The following MEOX1 variants were observed in gnomAD, a reference collection of about 807,000 sequenced individuals.
MEOX1 encodes mesenchyme homeobox 1.
In MEOX1, 17 loss-of-function variants were observed where a neutral mutation model predicts 23.2. The ratio of observed to expected loss-of-function variants is 0.73; its 90% CI spans 0.50 to 1.10. The LOEUF (loss-of-function observed/expected upper bound fraction) is 1.10. Ranked by LOEUF, MEOX1 falls within the 50% of genes least tolerant of loss-of-function variation. The pLI is 0.00. For missense variants in MEOX1, 333 were observed against 332.2 expected, an observed-to-expected ratio of 1.00 and a Z score of -0.02; for synonymous variants, 134 against 135.1, an observed-to-expected ratio of 0.99 and a Z score of 0.06.
At chr17:43,645,850 C>T (rs1439032380) in intron 1 of MEOX1, among the ~76,000 whole-genome samples, 1 of 152,236 alleles carries the variant, frequency 6.6e-6, no homozygotes, top group Non-Finnish European at 1.5e-5. Context: ...TTTCAGTTTC[C>T]CCGTCCTCCG....
chr17:43,649,130 C>T (rs1055890459), intron 1 of MEOX1, among the ~76,000 whole-genome samples: 7 of 152,140 alleles, frequency 4.6e-5, no homozygotes, highest in Admixed American at 1.3e-4. Context: ...CAGTGCCTGG[C>T]ATGTCACTGA....
chr17:43,646,201 C>T (rs541221214), intron 1 of MEOX1, among the ~76,000 whole-genome samples: 1 of 152,250 alleles, frequency 6.6e-6, no homozygotes, highest in East Asian at 1.9e-4. Context: ...AAGGCAGGTC[C>T]AGACCCCTCC....
Position 43,661,667 on chromosome 17 carries a change from G to T in MEOX1, c.-133C>A. On this transcript the variant is annotated 5_prime_UTR_variant, in exon 1 of 3. Coordinates refer to ENST00000318579, the MANE Select transcript of MEOX1 (RefSeq NM_004527.4). The stretch of plus-strand genomic sequence containing the variant: ...ATGTTCAACAGAAAATTTACCCCAG[G>T]AACCAAAAAAAAAAAAAAACCCAAA... The T allele has an allele frequency of 8.6e-6, 4 of 465,766 alleles. No homozygotes were observed. The highest frequency in any genetic ancestry group is 2.1e-5 in the African/African-American group (1 of 47,228). 28.9% of individuals were successfully genotyped at this position (465,766 alleles called of 1,614,324 possible).
chr17:43,656,696 G>A (rs942277516), intron 1 of MEOX1, among the ~76,000 whole-genome samples: 1 of 152,248 alleles, frequency 6.6e-6, no homozygotes, highest in East Asian at 1.9e-4. Context: ...GCGGGCGATC[G>A]GATTCACCTG....
Position 43,641,764 on chromosome 17 carries a change from A to G in MEOX1, c.*146T>C, listed in dbSNP as rs1033265959. 4 of 819,066 alleles carry G rather than the reference A, an allele frequency of 4.9e-6. No individual in the cohort carries two copies. Among genetic ancestry groups the G allele is most frequent in the African/African-American group, 1.7e-5 (1 of 58,316 alleles). 50.7% of individuals were successfully genotyped at this position (819,066 alleles called of 1,614,324 possible). A position where few individuals can be genotyped will look rare whatever the true frequency, so the allele number is the denominator to read the frequency against. On this transcript the variant is annotated 3_prime_UTR_variant, in exon 3 of 3. Coordinates refer to ENST00000318579, the MANE Select transcript of MEOX1 (RefSeq NM_004527.4). The stretch of plus-strand genomic sequence containing the variant: ...CTAGAAAATCCTAAGACTCCCAGGA[A>G]TGCTGGGCAGTTTCATATCCAAGAG...
intron 1 of MEOX1, among the ~76,000 whole-genome samples, chr17:43,653,865 T>C (rs1469548157): frequency 1.3e-5 from 2 of 152,134 alleles, no homozygotes; most frequent in African/African-American, 4.8e-5. Context: ...ATCAGGGATC[T>C]GCTTGTGGCT....
intron 1 of MEOX1, among the ~76,000 whole-genome samples, chr17:43,658,923 A>T (rs918452487): frequency 1.3e-5 from 2 of 152,146 alleles, no homozygotes. Flanking sequence ...GGGGACCCTT[A>T]GGGAAGCCCA....
At chr17:43,658,298 G>A (rs1973076228) in intron 1 of MEOX1, among the ~76,000 whole-genome samples, 1 of 152,150 alleles carries the variant, frequency 6.6e-6, no homozygotes, top group Non-Finnish European at 1.5e-5. Flanking sequence ...CACGAGGTCA[G>A]GAGTTTGAGA....
chr17:43,650,062 C>A (rs1446563373), intron 1 of MEOX1, among the ~76,000 whole-genome samples: 1 of 152,216 alleles, frequency 6.6e-6, no homozygotes, highest in Admixed American at 6.5e-5. Flanking sequence ...TACAGTCCAA[C>A]TCTGAGGGCA....
Position 43,640,670 on chromosome 17 carries a change from G to T in MEOX1, c.*1240C>A, listed in dbSNP as rs894424727. 2 of 152,168 alleles carry T rather than the reference G, an allele frequency of 1.3e-5. No homozygotes were observed. The highest frequency in any genetic ancestry group is 2.9e-5 in the Non-Finnish European group (2 of 68,038). The allele number at this position is 152,168 out of a possible 1,614,324, so 9.4% of individuals were successfully genotyped here. ...ACACCAGCTGGTGTTGGGAGACAGAGCGCTGAGGCAGCCAGGGCTTCAGTC... is the reference window on the plus strand; with the variant it reads ...ACACCAGCTGGTGTTGGGAGACAGATCGCTGAGGCAGCCAGGGCTTCAGTC... On this transcript the variant is annotated 3_prime_UTR_variant, in exon 3 of 3. Coordinates refer to ENST00000318579, the MANE Select transcript of MEOX1 (RefSeq NM_004527.4).
chr17:43,659,436 G>T (rs1973100404), intron 1 of MEOX1, among the ~76,000 whole-genome samples: 1 of 152,084 alleles, frequency 6.6e-6, no homozygotes, highest in Non-Finnish European at 1.5e-5. Flanking sequence ...ATTGAAGAAG[G>T]GGCTTCTTCA....
At chr17:43,642,738 T>G (rs1416900281) in intron 2 of MEOX1, among the ~76,000 whole-genome samples, 1 of 152,142 alleles carries the variant, frequency 6.6e-6, no homozygotes, top group Non-Finnish European at 1.5e-5. Flanking sequence ...ACCAGCTGCA[T>G]ATCCAGATCA....
In MEOX1 at chr17:43,661,610, G is replaced by T; in HGVS notation, c.-76C>A. ...TTTTTATGTTCAAATTTTTAAAAAT[G>T]CAAAAGAAAAAAAACTAAATAGGAG... On this transcript the variant is annotated 5_prime_UTR_variant, in exon 1 of 3. Transcript: ENST00000318579. 1.1e-6 allele frequency: 1 copy of T among 893,622 alleles called. No homozygotes were observed. Among genetic ancestry groups the T allele is most frequent in the East Asian group, 3.3e-5 (1 of 30,412 alleles). 55.4% of individuals were successfully genotyped at this position (893,622 alleles called of 1,614,324 possible).
At chr17:43,651,262 G>A (rs567171659) in intron 1 of MEOX1, among the ~76,000 whole-genome samples, 48 of 152,242 alleles carry the variant, frequency 3.2e-4, no homozygotes, top group African/African-American at 1.1e-3. Context: ...GAGCTTGCAG[G>A]AAGCCTAGAT....
intron 1 of MEOX1, among the ~76,000 whole-genome samples, chr17:43,653,840 G>A (rs1163774833): frequency 6.6e-6 from 1 of 152,078 alleles, no homozygotes; most frequent in Non-Finnish European, 1.5e-5. Flanking sequence ...TGTACTTGTT[G>A]GTGTAAGATA....
At chr17:43,651,001 G>C (rs779170891) in intron 1 of MEOX1, among the ~76,000 whole-genome samples, 2 of 152,178 alleles carry the variant, frequency 1.3e-5, no homozygotes, top group Non-Finnish European at 2.9e-5. Context: ...TCATGGGAGA[G>C]AGGCAGGTTC....
intron 1 of MEOX1, among the ~76,000 whole-genome samples, chr17:43,658,281 G>C (rs1340342150): frequency 1.3e-5 from 2 of 152,180 alleles, no homozygotes; most frequent in African/African-American, 4.8e-5. Context: ...GGCCGAGGTG[G>C]GCTGATCACG....
chr17:43,642,461 C>T (rs1972714425), intron 2 of MEOX1, among the ~76,000 whole-genome samples: 1 of 152,114 alleles, frequency 6.6e-6, no homozygotes, highest in South Asian at 2.1e-4. Context: ...TTGAGTATTA[C>T]CTGCAGGATT....
At chr17:43,645,897 T>G (rs28674118) in intron 1 of MEOX1, among the ~76,000 whole-genome samples, 24,296 of 152,262 alleles carry the variant, frequency 0.16, 5,008 homozygotes, top group African/African-American at 0.48. Context: ...GGCGACTCTC[T>G]AGCAGGAGGC....
Sources: allele counts gnomAD v4.1 joint callset (sites outside exome capture counted in the v4.1 genomes callset), GRCh38; gene constraint gnomAD v4.1.1; transcripts MANE v1.5; gene names NCBI Gene and HGNC (gene_info 2026-07-23, HGNC 2026-07-21).